AKR1E2: variants seen among roughly 807,000 people sequenced by gnomAD.
AKR1E2 encodes the protein 1,5-anhydro-D-fructose reductase.
In AKR1E2, 43 loss-of-function variants were observed where a neutral mutation model predicts 41.9. That is an observed-to-expected ratio of 1.03 (90% CI 0.80 to 1.32). The LOEUF is 1.32. AKR1E2 is among the 40% of genes most tolerant of loss of function. AKR1E2 has a pLI of 0.00. For synonymous variants in AKR1E2, 121 were observed against 138.9 expected (o/e 0.87, Z 0.91); for missense variants, 423 against 396.5 (o/e 1.07, Z -0.57).
chr10:4,841,891 G>A, intron 7 of AKR1E2, 34 bp downstream of exon 7: 1 of 1,599,170 alleles, frequency 6.3e-7, no homozygotes, highest in Non-Finnish European at 8.5e-7. Flanking sequence ...GCCAGGTGGG[G>A]TTCTCTGACC....
rs897783893 is a variant in AKR1E2 at position 4,826,277 on chromosome 10, G to A, written c.-48G>A. 4.9e-6 allele frequency: 6 copies of A among 1,225,154 alleles called. No homozygotes were observed. Among genetic ancestry groups the A allele is most frequent in the Admixed American group, 8.5e-5 (2 of 23,640 alleles). 75.9% of individuals were successfully genotyped at this position (1,225,154 alleles called of 1,614,324 possible). A position where few individuals can be genotyped will look rare whatever the true frequency, so the allele number is the denominator to read the frequency against. On this transcript the variant is annotated 5_prime_UTR_variant, in exon 1 of 10. Coordinates refer to ENST00000298375, the MANE Select transcript of AKR1E2 (RefSeq NM_001040177.3). ...CGCAGTAGCTCGCGCGGTGCCTGTC[G>A]GTAGTCGCGTGCGGGGCGGCGGGGC...
intron 8 of AKR1E2, chr10:4,845,978 G>C: frequency 2.4e-6 from 1 of 423,206 alleles, no homozygotes; most frequent in Non-Finnish European, 4.8e-6. Flanking sequence ...GGAGGAGAAA[G>C]GCATCCAGTG....
chr10:4,868,966 T>C, the AKR1E2 span, among the ~76,000 whole-genome samples: 33,141 of 152,062 alleles, frequency 0.22, 3,831 homozygotes, highest in Middle Eastern at 0.33. Flanking sequence ...TTCACATCTA[T>C]ATTTTTGAGA....
Position 4,847,220 on chromosome 10 carries a change from A to G in AKR1E2, c.910A>G (p.Met304Val), listed in dbSNP as rs772876040. The change falls in exon 9 of 10, where the codon ATG (methionine) becomes GTG (valine). Residue 304 changes from methionine (M) to valine (V), a missense_variant. By Grantham distance (21) the Met-to-Val change is conservative. Coordinates refer to ENST00000298375, the MANE Select transcript of AKR1E2 (RefSeq NM_001040177.3). The part of the protein sequence containing the change: ...LSLNRNLRLA[M>V]FPITKNHKDY... Reference sequence around the variant, plus strand: ...CCTAAACAGGAATCTCCGACTGGCCATGTTCCCCATGTAAATATGGCTCCT... The same window carrying G: ...CCTAAACAGGAATCTCCGACTGGCCGTGTTCCCCATGTAAATATGGCTCCT... 3 of 1,614,024 alleles carry G rather than the reference A, an allele frequency of 1.9e-6. No homozygotes were observed. Among genetic ancestry groups the G allele is most frequent in the Middle Eastern group, 1.6e-4 (1 of 6,084 alleles).
chr10:4,826,287 TGCGGGGCGGCGGGGCG>T lies in AKR1E2; in HGVS notation c.-27_-12del. On this transcript the variant is annotated 5_prime_UTR_variant, in exon 1 of 10. Coordinates refer to ENST00000298375, the MANE Select transcript of AKR1E2 (RefSeq NM_001040177.3). ...CGCGCGGTGCCTGTCGGTAGTCGCG[TGCGGGGCGGCGGGGCG>T]GCGGGGCGGCCGGCGGCGGCCATGG... 2 of 1,228,632 alleles carry T rather than the reference TGCGGGGCGGCGGGGCG, an allele frequency of 1.6e-6. No homozygotes were observed. The highest frequency in any genetic ancestry group is 2.0e-6 in the Non-Finnish European group (2 of 983,934). 76.1% of individuals were successfully genotyped at this position (1,228,632 alleles called of 1,614,324 possible).
intron 8 of AKR1E2, among the ~76,000 whole-genome samples, chr10:4,845,387 G>T (rs1455810749): frequency 6.6e-6 from 1 of 151,908 alleles, no homozygotes; most frequent in Non-Finnish European, 1.5e-5. Flanking sequence ...GGGCTGAAGG[G>T]CTCCTCAAGT....
At chr10:4,824,991 C>CA, upstream of AKR1E2, 1 of 455,562 alleles carries the variant, frequency 2.2e-6, no homozygotes, top group Non-Finnish European at 4.4e-6. Context: ...AAGGCCCATG[C>CA]AGGTCATTTT....
At position 4,842,550 on chromosome 10, in the gene AKR1E2, T is replaced by C. The variant is rs753213534; in HGVS notation, c.837+46T>C. 24 of 1,566,502 alleles carry C rather than the reference T, an allele frequency of 1.5e-5. 1 individual carries two copies. The highest frequency in any genetic ancestry group is 1.5e-4 in the Admixed American group (9 of 59,658). On this transcript the variant is annotated intron_variant, in intron 8 of 9. Transcript: ENST00000298375. ...ATTTGGCGGGTTTCAGATCATGTGT[T>C]AGATGGGAAGGGATGACTGCTGTAG... is the stretch of plus-strand genomic sequence containing the variant.
chr10:4,857,950 T>C, the AKR1E2 span, among the ~76,000 whole-genome samples: 2 of 152,196 alleles, frequency 1.3e-5, no homozygotes, highest in Non-Finnish European at 2.9e-5. Flanking sequence ...TGTTTCATTG[T>C]TGTTTATTTC....
intron 8 of AKR1E2, among the ~76,000 whole-genome samples, chr10:4,843,616 C>T (rs774510667): frequency 6.6e-6 from 1 of 152,230 alleles, no homozygotes; most frequent in Non-Finnish European, 1.5e-5. Context: ...CAAGCATCGC[C>T]ATTGGGGTTT....
At position 4,847,143 on chromosome 10, in the gene AKR1E2, T is replaced by A. The variant is rs1321638036; in HGVS notation, c.838-5T>A. The A allele has an allele frequency of 6.2e-7, 1 of 1,613,566 alleles. No individual in the cohort carries two copies. The highest frequency in any genetic ancestry group is 8.5e-7 in the Non-Finnish European group (1 of 1,179,920). On this transcript the variant is annotated splice_polypyrimidine_tract_variant and splice_region_variant and intron_variant, in intron 8 of 9. Transcript: ENST00000298375. ...TTTTCTACAAACATTGTGTTTTGGT[T>A]CCAGGTGTTTGATTTTGAATTAACA...
At chr10:4,863,868 G>A in the AKR1E2 span, among the ~76,000 whole-genome samples, 9 of 152,152 alleles carry the variant, frequency 5.9e-5, no homozygotes, top group African/African-American at 2.2e-4. Context: ...TAGAAGAAAT[G>A]GATAAATTCC....
At chr10:4,833,594 A>G (rs1297440876) in intron 3 of AKR1E2, 128 bp downstream of exon 3, 4 of 779,120 alleles carry the variant, frequency 5.1e-6, no homozygotes, top group South Asian at 3.3e-5. Flanking sequence ...CATCTGCCAC[A>G]TGCTAGCTGC....
At chr10:4,854,968 T>G in the AKR1E2 span, among the ~76,000 whole-genome samples, 4 of 152,198 alleles carry the variant, frequency 2.6e-5, no homozygotes, top group Non-Finnish European at 5.9e-5. Flanking sequence ...CTGATGGCTA[T>G]GGGTGACAGG....
intron 2 of AKR1E2, 64 bp from the exon 3 acceptor site, chr10:4,833,286 A>G (rs1325766544): frequency 1.5e-6 from 2 of 1,314,330 alleles, no homozygotes; most frequent in Non-Finnish European, 2.2e-6. Flanking sequence ...TTGTGGGGCT[A>G]CAGAATGGGT....
intron 6 of AKR1E2, among the ~76,000 whole-genome samples, chr10:4,840,244 C>T (rs528708151): frequency 6.6e-6 from 1 of 152,312 alleles, no homozygotes; most frequent in East Asian, 1.9e-4. Context: ...AGCTAAGAGA[C>T]CTCCAGCCAT....
downstream of AKR1E2, among the ~76,000 whole-genome samples, chr10:4,850,685 A>G (rs984123442): frequency 1.3e-5 from 2 of 152,034 alleles, no homozygotes; most frequent in African/African-American, 4.8e-5. Context: ...ACAATTCCTT[A>G]CTGCCTAATG....
At chr10:4,843,236 A>T (rs560393502) in intron 8 of AKR1E2, among the ~76,000 whole-genome samples, 1 of 152,196 alleles carries the variant, frequency 6.6e-6, no homozygotes, top group Non-Finnish European at 1.5e-5. Context: ...TAACTGCTGC[A>T]TGACCTCTCT....
intron 1 of AKR1E2, among the ~76,000 whole-genome samples, chr10:4,827,824 A>G (rs1323671901): frequency 6.6e-6 from 1 of 152,218 alleles, no homozygotes; most frequent in Non-Finnish European, 1.5e-5. Context: ...CCCTTCATTC[A>G]GTAAGCACTC....
Sources: gnomAD v4.1 joint callset for allele counts (sites outside exome capture counted in the v4.1 genomes callset) on GRCh38, gnomAD v4.1.1 for gene constraint, MANE v1.5 for transcripts, NCBI Gene and HGNC (gene_info 2026-07-23, HGNC 2026-07-21) for gene names.